The following RAB6B variants were observed in gnomAD, a reference collection of about 807,000 sequenced individuals.
RAB6B encodes RAB6B, member RAS oncogene family, also known as ras-related protein Rab-6B.
Under a neutral mutation model 31.2 loss-of-function variants are expected in RAB6B, and 7 were observed. The observed-to-expected ratio is 0.22, with a 90% CI of 0.13 to 0.42. The LOEUF is 0.42. RAB6B is among the 10% of genes least tolerant of loss of function. The probability of loss-of-function intolerance (pLI) is 1.00; values close to 1 mark genes in which losing one functional copy is unlikely to be tolerated. For missense variants in RAB6B, 149 were observed against 280.6 expected (o/e 0.53, Z 3.35); for synonymous variants, 105 against 104.9 (o/e 1.00, Z -0.01).
At chr3:133,881,950 T>G (rs1451220137) in intron 1 of RAB6B, among the ~76,000 whole-genome samples, 1 of 152,262 alleles carries the variant, frequency 6.6e-6, no homozygotes, top group Admixed American at 6.5e-5. Context: ...ACATTTATTA[T>G]GTCATATTTC....
intron 2 of RAB6B, among the ~76,000 whole-genome samples, chr3:133,855,295 G>C (rs991365109): frequency 2.6e-5 from 4 of 152,264 alleles, no homozygotes; most frequent in Non-Finnish European, 4.4e-5. Flanking sequence ...ATGCGCCCTG[G>C]GGGAGGGGAT....
chr3:133,859,298 G>A (rs959990472), intron 2 of RAB6B, among the ~76,000 whole-genome samples: 3 of 152,160 alleles, frequency 2.0e-5, no homozygotes, highest in Admixed American at 6.5e-5. Flanking sequence ...TATTTAAACC[G>A]TAGCTCATGT....
At chr3:133,843,782 G>A (rs2107992751) in intron 2 of RAB6B, among the ~76,000 whole-genome samples, 1 of 152,294 alleles carries the variant, frequency 6.6e-6, no homozygotes, top group Non-Finnish European at 1.5e-5. Context: ...TCCTCTGTGG[G>A]TAGGGAGTAC....
chr3:133,846,174 T>C (rs895330638), intron 2 of RAB6B, among the ~76,000 whole-genome samples: 5 of 152,202 alleles, frequency 3.3e-5, no homozygotes, highest in African/African-American at 1.2e-4. Flanking sequence ...AAGCTGGGCA[T>C]GGTGGCTCAT....
intron 2 of RAB6B, among the ~76,000 whole-genome samples, chr3:133,843,408 T>C (rs1029627728): frequency 6.6e-6 from 1 of 152,200 alleles, no homozygotes; most frequent in Non-Finnish European, 1.5e-5. Flanking sequence ...ATGCAGACTT[T>C]TTCCTTCACA....
intron 2 of RAB6B, 53 bp from the exon 3 acceptor site, chr3:133,841,716 G>A: frequency 6.3e-7 from 1 of 1,588,906 alleles, no homozygotes; most frequent in Admixed American, 1.7e-5. Context: ...ATGCAAAGGG[G>A]CAAAAGCCTA....
intron 2 of RAB6B, among the ~76,000 whole-genome samples, chr3:133,845,084 G>T (rs930274034): frequency 3.3e-5 from 5 of 152,164 alleles, no homozygotes; most frequent in African/African-American, 1.2e-4. Flanking sequence ...AAACACCTCA[G>T]ACTCCACTGA....
At chr3:133,895,252 C>T (rs2045179158) in intron 1 of RAB6B, 145 bp downstream of exon 1, 1 of 856,394 alleles carries the variant, frequency 1.2e-6, no homozygotes, top group Non-Finnish European at 1.8e-6. Flanking sequence ...CCCGACCCCG[C>T]CCCGACCTCC....
intron 6 of RAB6B, among the ~76,000 whole-genome samples, chr3:133,835,855 C>T (rs1935727369): frequency 6.6e-6 from 1 of 152,114 alleles, no homozygotes; most frequent in South Asian, 2.1e-4. Context: ...TCACCAGACA[C>T]TGAATATGCC....
chr3:133,861,024 C>T (rs1936153844), intron 2 of RAB6B, among the ~76,000 whole-genome samples: 1 of 152,188 alleles, frequency 6.6e-6, no homozygotes, highest in African/African-American at 2.4e-5. Context: ...CCAAATCCTC[C>T]CCCTCCATCC....
chr3:133,846,201 C>G (rs1935906738), intron 2 of RAB6B, among the ~76,000 whole-genome samples: 2 of 152,200 alleles, frequency 1.3e-5, no homozygotes, highest in Non-Finnish European at 2.9e-5. Flanking sequence ...AATCCTAGCA[C>G]TCTGGGAGGC....
chr3:133,891,175 T>A (rs1055594635), intron 1 of RAB6B, among the ~76,000 whole-genome samples: 5 of 151,952 alleles, frequency 3.3e-5, no homozygotes, highest in Non-Finnish European at 7.4e-5. Flanking sequence ...GAGTGAGCCT[T>A]CCAGGCAGTG....
chr3:133,836,279 C>G (rs1273920481), intron 6 of RAB6B, among the ~76,000 whole-genome samples: 3 of 152,202 alleles, frequency 2.0e-5, no homozygotes, highest in Non-Finnish European at 4.4e-5. Flanking sequence ...GGCCATCCTT[C>G]CTGAGCTTTC....
intron 1 of RAB6B, among the ~76,000 whole-genome samples, chr3:133,868,132 G>A (rs1231337219): frequency 6.6e-6 from 1 of 152,268 alleles, no homozygotes; most frequent in East Asian, 1.9e-4. Flanking sequence ...AGCTAGGTGG[G>A]TAAGGGGTTG....
intron 2 of RAB6B, among the ~76,000 whole-genome samples, chr3:133,862,335 A>G (rs1936171676): frequency 6.6e-6 from 1 of 152,154 alleles, no homozygotes; most frequent in African/African-American, 2.4e-5. Context: ...AGACTCATGA[A>G]TGCAGTGGTG....
intron 4 of RAB6B, among the ~76,000 whole-genome samples, chr3:133,840,442 C>T (rs762744707): frequency 3.3e-5 from 5 of 152,226 alleles, no homozygotes; most frequent in Admixed American, 1.3e-4. Flanking sequence ...CAGGCCCTTG[C>T]GGGCCCAGCT....
chr3:133,869,608 T>C (rs568744591), intron 1 of RAB6B, among the ~76,000 whole-genome samples: 1 of 152,332 alleles, frequency 6.6e-6, no homozygotes. Context: ...ACCCTGACAT[T>C]CCATCAGGGG....
chr3:133,895,289 G>A (rs1287190734), intron 1 of RAB6B, 108 bp downstream of exon 1: 13 of 1,197,332 alleles, frequency 1.1e-5, no homozygotes, highest in African/African-American at 1.5e-5. Context: ...CCTCTACCCT[G>A]GCAAGGAGGG....
Position 133,864,319 on chromosome 3 carries a change from T to C in RAB6B, c.129+265A>G, listed in dbSNP as rs557217423. ...CAACCAAACACTATCATGGTTTGGA[T>C]CTGCCTGTGAGGAACAAGAGAACAC... On this transcript the variant is annotated intron_variant, in intron 2 of 7. Coordinates refer to ENST00000285208, the MANE Select transcript of RAB6B (RefSeq NM_016577.4). Among the ~76,000 whole-genome samples, 16 of 152,304 alleles carry C rather than the reference T, an allele frequency of 1.1e-4. No individual in the cohort carries two copies. The South Asian group carries it at 2.9e-3, about 28-fold the overall frequency.
Sources: allele counts gnomAD v4.1 joint callset (sites outside exome capture counted in the v4.1 genomes callset), GRCh38; gene constraint gnomAD v4.1.1; transcripts MANE v1.5; gene names NCBI Gene and HGNC (gene_info 2026-07-23, HGNC 2026-07-21).